The following SOX5 variants were observed in gnomAD, a reference collection of about 807,000 sequenced individuals.
The protein encoded by SOX5 is transcription factor SOX-5.
A neutral mutation model predicts 92.0 loss-of-function variants in SOX5; 9 were observed. The observed-to-expected ratio is 0.10, with a 90% CI of 0.06 to 0.17. SOX5 has a LOEUF of 0.17. Among genes scored for constraint, SOX5 ranks in the 10% least tolerant of loss-of-function variants. The pLI is 1.00. For synonymous variants in SOX5, 344 were observed against 336.3 expected (o/e 1.02, Z -0.25); for missense variants, 642 against 944.5 (o/e 0.68, Z 4.20).
intron 3 of SOX5, among the ~76,000 whole-genome samples, chr12:24,255,027 C>G (rs935261331): frequency 3.3e-5 from 5 of 152,112 alleles, no homozygotes; most frequent in South Asian, 2.1e-4. Context: ...GAAAAGAAAG[C>G]AATGCAAAAA....
chr12:23,892,905 C>T (rs897129431), intron 2 of SOX5, among the ~76,000 whole-genome samples: 3 of 152,118 alleles, frequency 2.0e-5, no homozygotes, highest in Non-Finnish European at 2.9e-5. Flanking sequence ...ACTATAGACC[C>T]CAGTTAAGAA....
At chr12:24,105,466 G>A (rs1266526965) in intron 4 of SOX5, among the ~76,000 whole-genome samples, 2 of 152,028 alleles carry the variant, frequency 1.3e-5, no homozygotes, top group African/African-American at 4.8e-5. Context: ...ACTTGAACTG[G>A]GTGGGTGGAG....
chr12:23,600,227 A>G (rs1348333513), intron 9 of SOX5, among the ~76,000 whole-genome samples: 3 of 152,136 alleles, frequency 2.0e-5, no homozygotes, highest in Non-Finnish European at 4.4e-5. Context: ...TCAAGGTTTT[A>G]TACTTTCACT....
chr12:24,468,068 G>A (rs990070748), intron 1 of SOX5, among the ~76,000 whole-genome samples: 5 of 152,200 alleles, frequency 3.3e-5, no homozygotes, highest in Admixed American at 6.5e-5. Context: ...TAACAACTGG[G>A]AGATGAGGAA....
chr12:23,746,621 T>G (rs2141086582), intron 4 of SOX5, among the ~76,000 whole-genome samples: 1 of 152,286 alleles, frequency 6.6e-6, no homozygotes, highest in South Asian at 2.1e-4. Context: ...GCCTAAAAAC[T>G]GCAGGCATAG....
chr12:24,252,934 A>T (rs1181874873), intron 3 of SOX5, among the ~76,000 whole-genome samples: 1 of 152,220 alleles, frequency 6.6e-6, no homozygotes, highest in Non-Finnish European at 1.5e-5. Flanking sequence ...TCTGCTGATA[A>T]ATCGATACAG....
At chr12:23,555,056 T>C (rs1196187040) in intron 11 of SOX5, among the ~76,000 whole-genome samples, 4 of 152,128 alleles carry the variant, frequency 2.6e-5, no homozygotes, top group Non-Finnish European at 4.4e-5. Flanking sequence ...ACTTTACTTA[T>C]TGAAAATTAG....
chr12:24,182,057 C>T (rs1955552642), intron 4 of SOX5, among the ~76,000 whole-genome samples: 1 of 152,102 alleles, frequency 6.6e-6, no homozygotes, highest in African/African-American at 2.4e-5. Context: ...GGTTATAAAA[C>T]ACAATAGGTT....
chr12:24,165,876 G>A (rs1204169327), intron 4 of SOX5, among the ~76,000 whole-genome samples: 1 of 152,080 alleles, frequency 6.6e-6, no homozygotes, highest in African/African-American at 2.4e-5. Flanking sequence ...AATTAAGGCA[G>A]GTCACCAAAG....
At chr12:23,622,336 G>A (rs1208510037) in intron 8 of SOX5, among the ~76,000 whole-genome samples, 1 of 151,854 alleles carries the variant, frequency 6.6e-6, no homozygotes, top group Non-Finnish European at 1.5e-5. Flanking sequence ...GTATTTTAAG[G>A]GCTAGAAGTC....
At chr12:24,021,198 G>T (rs1954245578) in intron 4 of SOX5, among the ~76,000 whole-genome samples, 1 of 152,186 alleles carries the variant, frequency 6.6e-6, no homozygotes, top group African/African-American at 2.4e-5. Context: ...GATTTCAGAA[G>T]GTATCAGAAG....
intron 4 of SOX5, among the ~76,000 whole-genome samples, chr12:24,016,370 G>A (rs542158478): frequency 2.6e-5 from 4 of 152,240 alleles, no homozygotes; most frequent in East Asian, 1.9e-4. Flanking sequence ...GCTTATGGAC[G>A]AGTAATTGTG....
At chr12:24,485,713 G>T (rs926431971) in intron 1 of SOX5, among the ~76,000 whole-genome samples, 3 of 152,012 alleles carry the variant, frequency 2.0e-5, no homozygotes, top group Non-Finnish European at 4.4e-5. Context: ...CCACAGTAAG[G>T]CCTATAATAT....
intron 4 of SOX5, among the ~76,000 whole-genome samples, chr12:23,994,433 A>G (rs1179082490): frequency 6.6e-6 from 1 of 152,194 alleles, no homozygotes; most frequent in African/African-American, 2.4e-5. Context: ...ATGTGTATGA[A>G]TATGTATAGA....
At chr12:24,497,186 G>T (rs565459567) in intron 1 of SOX5, among the ~76,000 whole-genome samples, 1 of 152,194 alleles carries the variant, frequency 6.6e-6, no homozygotes, top group South Asian at 2.1e-4. Context: ...TTAATAAGAT[G>T]TATCTAGATT....
chr12:23,946,477 A>G (rs1944607696), intron 1 of SOX5, among the ~76,000 whole-genome samples: 1 of 152,050 alleles, frequency 6.6e-6, no homozygotes, highest in Admixed American at 6.6e-5. Flanking sequence ...GGACATTTTT[A>G]CTTATCATGA....
At chr12:24,324,102 A>G (rs1950455986) in intron 2 of SOX5, among the ~76,000 whole-genome samples, 1 of 152,190 alleles carries the variant, frequency 6.6e-6, no homozygotes, top group African/African-American at 2.4e-5. Flanking sequence ...GGAAGAAATA[A>G]TTATGGAATT....
chr12:24,553,637 G>A (rs1207990048), intron 1 of SOX5, among the ~76,000 whole-genome samples: 7 of 152,200 alleles, frequency 4.6e-5, no homozygotes, highest in Non-Finnish European at 1.5e-5. Context: ...AAATCAGGCA[G>A]CAGAGTATTT....
At chr12:23,814,425 A>C (rs1328835617) in intron 3 of SOX5, among the ~76,000 whole-genome samples, 1 of 152,212 alleles carries the variant, frequency 6.6e-6, no homozygotes, top group Admixed American at 6.5e-5. Flanking sequence ...TGTAGAAAGC[A>C]GTGGAAAAGA....
Sources: gnomAD v4.1 joint callset for allele counts (sites outside exome capture counted in the v4.1 genomes callset) on GRCh38, gnomAD v4.1.1 for gene constraint, MANE v1.5 for transcripts, NCBI Gene and HGNC (gene_info 2026-07-23, HGNC 2026-07-21) for gene names.